Variants in DPP10 observed in about 807,000 individuals in gnomAD.
The protein encoded by DPP10 is inactive dipeptidyl peptidase 10.
A neutral mutation model predicts 120.9 loss-of-function variants in DPP10; 33 were observed. The ratio of observed to expected loss-of-function variants is 0.27; its 90% CI spans 0.21 to 0.37. DPP10 has a LOEUF of 0.37. Ranked by LOEUF, DPP10 falls within the 10% of genes least tolerant of loss-of-function variation. The pLI, the probability that DPP10 is intolerant of heterozygous loss-of-function variation, is 1.00. For synonymous variants in DPP10, 337 were observed against 326.1 expected (o/e 1.03, Z -0.36); for missense variants, 816 against 942.8 (o/e 0.87, Z 1.76).
intron 1 of DPP10, among the ~76,000 whole-genome samples, chr2:115,166,397 A>G (rs1209033882): frequency 2.7e-5 from 4 of 150,356 alleles, no homozygotes; most frequent in Non-Finnish European, 5.9e-5. Context: ...GTTATAAAAG[A>G]TAATATACAT....
At chr2:115,570,430 C>A (rs1415987129) in intron 5 of DPP10, among the ~76,000 whole-genome samples, 8 of 152,194 alleles carry the variant, frequency 5.3e-5, no homozygotes, top group African/African-American at 1.9e-4. Flanking sequence ...CTGTATACTT[C>A]ATTAAGGGTA....
intron 1 of DPP10, among the ~76,000 whole-genome samples, chr2:115,009,601 A>G (rs1195615208): frequency 2.6e-5 from 4 of 151,254 alleles, no homozygotes; most frequent in Non-Finnish European, 5.9e-5. Flanking sequence ...AAAAAAAAAG[A>G]AAAGACAAAT....
At chr2:115,444,296 A>G (rs1243429043) in intron 3 of DPP10, among the ~76,000 whole-genome samples, 2 of 152,218 alleles carry the variant, frequency 1.3e-5, no homozygotes, top group African/African-American at 4.8e-5. Context: ...ATAGTAACAC[A>G]TTCTGTTTAT....
intron 1 of DPP10, among the ~76,000 whole-genome samples, chr2:114,932,925 A>G (rs557329075): frequency 6.6e-6 from 1 of 152,268 alleles, no homozygotes; most frequent in South Asian, 2.1e-4. Flanking sequence ...ACCCGGGGCA[A>G]TCATTTGTGT....
At chr2:115,317,652 A>G (rs1367771465) in intron 2 of DPP10, among the ~76,000 whole-genome samples, 1 of 142,174 alleles carries the variant, frequency 7.0e-6, no homozygotes, top group Admixed American at 7.0e-5. Flanking sequence ...TTTTTCAATT[A>G]TGGGCATTCA....
chr2:115,527,673 A>G (rs2078213524), intron 5 of DPP10, among the ~76,000 whole-genome samples: 1 of 152,150 alleles, frequency 6.6e-6, no homozygotes, highest in Admixed American at 6.6e-5. Flanking sequence ...AACTATAACA[A>G]AAACACAACT....
intron 3 of DPP10, among the ~76,000 whole-genome samples, chr2:115,496,575 A>C (rs1431214180): frequency 6.6e-6 from 1 of 152,136 alleles, no homozygotes; most frequent in Admixed American, 6.6e-5. Flanking sequence ...TTTCACTATG[A>C]GGAACTATGG....
At chr2:115,534,137 T>A (rs1452708620) in intron 5 of DPP10, among the ~76,000 whole-genome samples, 2 of 151,940 alleles carry the variant, frequency 1.3e-5, no homozygotes, top group Non-Finnish European at 2.9e-5. Context: ...TACTTCAAGT[T>A]TTAGGGTACA....
At chr2:115,293,283 G>T (rs943133585) in intron 1 of DPP10, among the ~76,000 whole-genome samples, 2 of 151,880 alleles carry the variant, frequency 1.3e-5, no homozygotes, top group African/African-American at 4.8e-5. Context: ...AATCAGGAAA[G>T]AAAAAATCAG....
chr2:115,786,184 T>C (rs1309814304), intron 17 of DPP10, among the ~76,000 whole-genome samples: 1 of 152,152 alleles, frequency 6.6e-6, no homozygotes. Flanking sequence ...CTAGTAAAAG[T>C]GCACACAGTT....
At chr2:115,093,569 T>G (rs1361135349) in intron 1 of DPP10, among the ~76,000 whole-genome samples, 1 of 152,082 alleles carries the variant, frequency 6.6e-6, no homozygotes, top group Non-Finnish European at 1.5e-5. Flanking sequence ...TATCATGTAA[T>G]GCCTAGGAAA....
intron 1 of DPP10, among the ~76,000 whole-genome samples, chr2:114,626,176 A>G (rs928523120): frequency 3.3e-5 from 5 of 151,794 alleles, no homozygotes; most frequent in Admixed American, 6.6e-5. Context: ...TCCACACTAC[A>G]TATAAAACAC....
intron 3 of DPP10, among the ~76,000 whole-genome samples, chr2:115,389,963 C>G (rs990238456): frequency 1.3e-5 from 2 of 152,088 alleles, no homozygotes; most frequent in African/African-American, 4.8e-5. Flanking sequence ...ATATTTTATT[C>G]CTCATAGGCA....
rs368716983 is a variant in DPP10 at position 114,645,289 on chromosome 2, A to G, written c.60+202451A>G. Among the ~76,000 whole-genome samples, 24 of 152,308 alleles carry G rather than the reference A, an allele frequency of 1.6e-4. No homozygotes were observed. The East Asian group carries it at 3.7e-3, about 23-fold the overall frequency. ...TTTGCCATCTCTCCATTATTTTCAC[A>G]GCTATCTTGTGTCCTAAGTTGGGCC... On this transcript the variant is annotated intron_variant, in intron 1 of 25. Coordinates refer to ENST00000410059, the MANE Select transcript of DPP10 (RefSeq NM_020868.6).
intron 1 of DPP10, among the ~76,000 whole-genome samples, chr2:114,462,381 C>G (rs1052978396): frequency 6.6e-6 from 1 of 152,176 alleles, no homozygotes; most frequent in Non-Finnish European, 1.5e-5. Flanking sequence ...CCCTCTAACA[C>G]ATGACATTTA....
chr2:115,524,769 C>T (rs574826222), intron 4 of DPP10, among the ~76,000 whole-genome samples: 1 of 152,184 alleles, frequency 6.6e-6, no homozygotes, highest in South Asian at 2.1e-4. Context: ...AGCATGAAAT[C>T]GAATAAAGTG....
At chr2:115,446,657 C>G (rs1048579144) in intron 3 of DPP10, among the ~76,000 whole-genome samples, 1 of 151,970 alleles carries the variant, frequency 6.6e-6, no homozygotes, top group Non-Finnish European at 1.5e-5. Flanking sequence ...GTGTCTATTT[C>G]CATATATCTT....
intron 1 of DPP10, among the ~76,000 whole-genome samples, chr2:114,713,813 T>C (rs1234592040): frequency 6.6e-6 from 1 of 151,560 alleles, no homozygotes; most frequent in Non-Finnish European, 1.5e-5. Flanking sequence ...TGGTGAACCC[T>C]TGTCTCTACT....
At chr2:115,489,597 T>C (rs1490799721) in intron 3 of DPP10, among the ~76,000 whole-genome samples, 2 of 150,826 alleles carry the variant, frequency 1.3e-5, no homozygotes, top group African/African-American at 4.9e-5. Context: ...AACCAAAAAA[T>C]TTTGTAAAAC....
Sources: allele counts gnomAD v4.1 joint callset (sites outside exome capture counted in the v4.1 genomes callset), GRCh38; gene constraint gnomAD v4.1.1; transcripts MANE v1.5; gene names NCBI Gene and HGNC (gene_info 2026-07-23, HGNC 2026-07-21).